ECE1: variants seen among roughly 807,000 people sequenced by gnomAD.
The protein encoded by ECE1 is endothelin converting enzyme 1.
ECE1 carries 35 observed loss-of-function variants against 98.6 expected under a neutral mutation model. The observed-to-expected ratio is 0.35, with a 90% CI of 0.27 to 0.47. The LOEUF (loss-of-function observed/expected upper bound fraction) is 0.47, where lower values mean the gene tolerates loss of function less well. ECE1 is among the 20% of genes least tolerant of loss of function. The pLI, the probability that ECE1 is intolerant of heterozygous loss-of-function variation, is 1.00. For synonymous variants in ECE1, 394 were observed against 407.1 expected, an observed-to-expected ratio of 0.97 and a Z score of 0.39; for missense variants, 814 against 1,025.3, an observed-to-expected ratio of 0.79 and a Z score of 2.81.
chr1:21,248,173 CTT>C (rs150020555), intron 8 of ECE1, among the ~76,000 whole-genome samples: 8 of 144,298 alleles, frequency 5.5e-5, no homozygotes, highest in Non-Finnish European at 4.6e-5. Flanking sequence ...GTCAGCTCTA[CTT>C]TTTTTTTTTT....
intron 1 of ECE1, among the ~76,000 whole-genome samples, chr1:21,316,391 C>T (rs1156805983): frequency 6.6e-6 from 1 of 152,206 alleles, no homozygotes; most frequent in Admixed American, 6.5e-5. Context: ...GCCTCAGACT[C>T]CTGAGTAGCT....
intron 1 of ECE1, among the ~76,000 whole-genome samples, chr1:21,325,010 C>A (rs539281535): frequency 3.3e-5 from 5 of 152,164 alleles, no homozygotes; most frequent in African/African-American, 1.2e-4. Flanking sequence ...TATCAGAGGT[C>A]GCCAGGAGGA....
chr1:21,250,633 T>C (rs2098211445), intron 8 of ECE1, among the ~76,000 whole-genome samples: 2 of 152,244 alleles, frequency 1.3e-5, no homozygotes, highest in African/African-American at 2.4e-5. Flanking sequence ...AAAATTGATC[T>C]GTAATGTAAG....
intron 7 of ECE1, among the ~76,000 whole-genome samples, chr1:21,256,537 G>A (rs768466453): frequency 8.6e-5 from 13 of 151,612 alleles, no homozygotes; most frequent in Non-Finnish European, 1.9e-4. Context: ...TAGCCTGGGC[G>A]GCAGAGAGAG....
chr1:21,344,403 G>A (rs554227113), intron 1 of ECE1, among the ~76,000 whole-genome samples: 4 of 152,320 alleles, frequency 2.6e-5, no homozygotes, highest in Non-Finnish European at 4.4e-5. Context: ...CACTTCACAG[G>A]GCACAGAACA....
In ECE1 at chr1:21,254,342, C is replaced by T. The variant is rs548598154; in HGVS notation, c.1020+1605G>A. On this transcript the variant is annotated intron_variant, in intron 8 of 18. Coordinates refer to ENST00000374893, the MANE Select transcript of ECE1 (RefSeq NM_001397.3). ...TGGTGGCTCATGCTTATAATCCCAG[C>T]ACTTAGAGCTCCAAGGGGCTTACAG... Among the ~76,000 whole-genome samples the T allele has an allele frequency of 5.3e-5, 8 of 152,278 alleles. No homozygotes were observed. In the East Asian group the frequency reaches 1.4e-3, roughly 26 times the overall value.
chr1:21,281,684 G>GTGTTTTGTTT (rs373128627), intron 2 of ECE1, among the ~76,000 whole-genome samples: 5 of 151,878 alleles, frequency 3.3e-5, no homozygotes, highest in African/African-American at 1.2e-4. Context: ...CCGTGAGACA[G>GTGTTTTGTTT]TGTTTTGTTT....
Position 21,258,596 on chromosome 1 carries a change from CAGG to C in ECE1, c.762+94_762+96del. Reference sequence around the variant, plus strand: ...GAAACTAGAAGACCGCCGTCCCACCCAGGGCAAGCCCCTCTCCCACCCCAGGTC... The same window carrying C: ...GAAACTAGAAGACCGCCGTCCCACCCGCAAGCCCCTCTCCCACCCCAGGTC... On this transcript the variant is annotated intron_variant, in intron 6 of 18. Transcript: ENST00000374893. The surrounding 1 kb of genome is among the most constrained non-coding windows in gnomAD (Gnocchi z 4.2). 1 of 1,238,084 alleles carries C rather than the reference CAGG, an allele frequency of 8.1e-7. No individual in the cohort carries two copies. Among genetic ancestry groups the C allele is most frequent in the South Asian group, 1.2e-5 (1 of 83,420 alleles). The allele number at this position is 1,238,084 out of a possible 1,614,324, so 76.7% of individuals were successfully genotyped here. A position where few individuals can be genotyped will look rare whatever the true frequency, so the allele number is the denominator to read the frequency against.
chr1:21,268,469 G>A (rs143291436), intron 4 of ECE1, among the ~76,000 whole-genome samples: 1,565 of 152,300 alleles, frequency 0.01, 24 homozygotes, highest in African/African-American at 0.025. Context: ...GGCCTAGTTC[G>A]GCCCACCTGC....
At chr1:21,342,870 C>CA in intron 1 of ECE1, among the ~76,000 whole-genome samples, 1 of 152,170 alleles carries the variant, frequency 6.6e-6, no homozygotes, top group Non-Finnish European at 1.5e-5. Flanking sequence ...CATCAGCCGC[C>CA]ACCCCATGCA....
intron 4 of ECE1, chr1:21,267,143 T>C (rs983228479): frequency 1.3e-5 from 2 of 152,294 alleles, no homozygotes; most frequent in Non-Finnish European, 2.9e-5. Flanking sequence ...TGGTGCCATC[T>C]TGGAAGCAGA....
At chr1:21,289,242 G>C (rs1334283014) in intron 2 of ECE1, among the ~76,000 whole-genome samples, 6 of 152,116 alleles carry the variant, frequency 3.9e-5, no homozygotes, top group Non-Finnish European at 2.9e-5. Context: ...GGCTTCTCAA[G>C]AGCCAGATCA....
At chr1:21,338,402 A>G (rs1639340870) in intron 1 of ECE1, among the ~76,000 whole-genome samples, 1 of 152,220 alleles carries the variant, frequency 6.6e-6, no homozygotes, top group Non-Finnish European at 1.5e-5. Flanking sequence ...AACATAGCTC[A>G]TGAATCCTCA....
chr1:21,312,636 G>C (rs147560838), intron 1 of ECE1, among the ~76,000 whole-genome samples: 1 of 149,130 alleles, frequency 6.7e-6, no homozygotes, highest in Non-Finnish European at 1.5e-5. Flanking sequence ...TAAATAAAAA[G>C]AGCAAGCAGC....
At chr1:21,279,093 C>T in intron 3 of ECE1, 98 bp downstream of exon 3, 3 of 1,603,818 alleles carry the variant, frequency 1.9e-6, no homozygotes, top group Non-Finnish European at 2.6e-6. Flanking sequence ...AGCCTCAGAG[C>T]CCTGCCCCGG....
chr1:21,305,849 G>A (rs866240867), intron 1 of ECE1, among the ~76,000 whole-genome samples: 8 of 152,336 alleles, frequency 5.3e-5, no homozygotes, highest in Middle Eastern at 3.4e-3. Flanking sequence ...ATACCGCTGT[G>A]GTCATGGTGG....
At chr1:21,244,968 C>A (rs1378152028) in intron 10 of ECE1, 21 bp downstream of exon 10, 1 of 1,605,492 alleles carries the variant, frequency 6.2e-7, no homozygotes, top group Admixed American at 1.7e-5. Flanking sequence ...CATATTCAGG[C>A]ATACGCAGTA....
chr1:21,312,731 A>G (rs1246068767), intron 1 of ECE1, among the ~76,000 whole-genome samples: 2 of 152,146 alleles, frequency 1.3e-5, no homozygotes, highest in African/African-American at 4.8e-5. Context: ...TGTGGTGGAC[A>G]TGGGTCTATA....
At chr1:21,278,450 T>C (rs1432708797) in intron 3 of ECE1, among the ~76,000 whole-genome samples, 1 of 152,190 alleles carries the variant, frequency 6.6e-6, no homozygotes, top group African/African-American at 2.4e-5. Context: ...GCAGCTCTCC[T>C]GGGGGTGTAA....
Sources: allele counts gnomAD v4.1 joint callset (sites outside exome capture counted in the v4.1 genomes callset), GRCh38; gene constraint gnomAD v4.1.1; non-coding constraint Gnocchi (gnomAD v3.1); transcripts MANE v1.5; gene names NCBI Gene and HGNC (gene_info 2026-07-23, HGNC 2026-07-21).